CHTF18: variants seen among roughly 807,000 people sequenced by gnomAD.
CHTF18 encodes chromosome transmission fidelity factor 18.
CHTF18 carries 151 observed loss-of-function variants against 113.4 expected under a neutral mutation model. That is an observed-to-expected ratio of 1.33 (90% confidence interval 1.17 to 1.52). The LOEUF (loss-of-function observed/expected upper bound fraction) is 1.52. Among genes scored for constraint, CHTF18 ranks in the 40% most tolerant of loss-of-function variants. The pLI, the probability that CHTF18 is intolerant of heterozygous loss-of-function variation, is 0.00. For synonymous variants in CHTF18, 916 were observed against 598.8 expected (o/e 1.53, Z -7.74); for missense variants, 1,982 against 1,381.6 (o/e 1.43, Z -6.89).
intron 15 of CHTF18, 102 bp downstream of exon 15, chr16:794,303 T>A: frequency 7.3e-7 from 1 of 1,378,388 alleles, no homozygotes; most frequent in Non-Finnish European, 9.9e-7. Context: ...GGAGGCGCTT[T>A]GGGGGTGCTG....
At chr16:789,505 C>G (rs533409649) in intron 3 of CHTF18, 42 bp from the exon 4 acceptor site, 6 of 1,562,354 alleles carry the variant, frequency 3.8e-6, no homozygotes, top group African/African-American at 1.4e-5. Flanking sequence ...AAGGGTGACC[C>G]CACGCTTGAG....
intron 4 of CHTF18, 87 bp from the exon 5 acceptor site, chr16:790,090 A>C (rs543742591): frequency 6.5e-7 from 1 of 1,538,664 alleles, no homozygotes; most frequent in African/African-American, 1.4e-5. Context: ...GGGTTGTCCC[A>C]CCCGGGTCCC....
At position 797,700 on chromosome 16, in the gene CHTF18, A is replaced by G. The variant is rs1264419848; in HGVS notation, c.2740A>G (p.Lys914Glu). ...RRAAREEQPE[K>E]DFFGRVVVRS... ...TAGTCCTTCCTCCCATCAGCCTGAG[A>G]AGGACTTCTTTGGACGTGTGGTCGT... The change falls in exon 21 of 22, where the codon AAG becomes GAG. Residue 914 changes from lysine to glutamate, a missense_variant. By Grantham distance (56) the Lys-to-Glu change is moderately conservative. Transcript: ENST00000262315. 1 of 1,610,222 alleles carries G rather than the reference A, an allele frequency of 6.2e-7. No homozygotes were observed. The highest frequency in any genetic ancestry group is 8.5e-7 in the Non-Finnish European group (1 of 1,179,218).
At position 790,247 on chromosome 16, in the gene CHTF18, T is replaced by C. The variant is rs1313126494; in HGVS notation, c.677T>C (p.Leu226Pro). 2 of 1,606,880 alleles carry C rather than the reference T, an allele frequency of 1.2e-6. No homozygotes were observed. Among genetic ancestry groups the C allele is most frequent in the Non-Finnish European group, 1.7e-6 (2 of 1,177,690 alleles). ...CTGCTGGGTGTGTCCTTAGCCTCCC[T>C]GAAGAAGCAGGTCGACGGCGAGGTA... is the stretch of plus-strand genomic sequence containing the variant. Reference protein sequence around the residue: ...LDLLGVSLASLKKQVDGERRE... With the variant: ...LDLLGVSLASPKKQVDGERRE... The change falls in exon 5 of 22, where the codon CTG becomes CCG. Residue 226 changes from leucine to proline, a missense_variant. Transcript: ENST00000262315.
At chr16:795,416 C>G in intron 16 of CHTF18, 60 bp downstream of exon 16, 1 of 1,330,240 alleles carries the variant, frequency 7.5e-7, no homozygotes, top group Admixed American at 2.1e-5. Context: ...CTGTGCTGCC[C>G]GTGTGGCTGC....
At chr16:790,884 C>G (rs1249868866) in intron 7 of CHTF18, 2 of 1,432,154 alleles carry the variant, frequency 1.4e-6, no homozygotes, top group African/African-American at 1.4e-5. Context: ...AGGGTGTCAC[C>G]TGATCCAAGT....
At chr16:793,851 T>C (rs2042266659) in intron 14 of CHTF18, 2 of 645,360 alleles carry the variant, frequency 3.1e-6, no homozygotes. Flanking sequence ...AGAGTGGGGC[T>C]CCTCGGCTTA....
rs2042239348 is a variant in CHTF18 at position 792,915 on chromosome 16, C to T, written c.1573-51C>T. ...CCTCCCCATGGAACCCTGGTAACCC[C>T]TGAAAGGATGGGGCATACCATCGGG... On this transcript the variant is annotated intron_variant, in intron 12 of 21. Coordinates refer to ENST00000262315, the MANE Select transcript of CHTF18 (RefSeq NM_022092.3). 7 of 1,540,994 alleles carry T rather than the reference C, an allele frequency of 4.5e-6. No homozygotes were observed. The East Asian group carries it at 7.4e-5, about 16-fold the overall frequency.
intron 15 of CHTF18, 76 bp from the exon 16 acceptor site, chr16:795,056 G>A: frequency 1.7e-6 from 2 of 1,193,650 alleles, no homozygotes; most frequent in Non-Finnish European, 2.3e-6. Flanking sequence ...AGGGTCTGTG[G>A]CGGGAGGTGG....
Position 795,261 on chromosome 16 carries a change from C to T in CHTF18, c.2080C>T (p.Leu694=), listed in dbSNP as rs2042304759. Residue 694 remains leucine (L), a synonymous_variant, in exon 16 of 22, where the codon CTG becomes TTG. Transcript: ENST00000262315. ...GAAHHSQSFQ[L]LRYPPFLPVA... is the part of the protein sequence containing the mutation. Reference sequence around the variant, plus strand: ...TGCTCATCACAGCCAGAGCTTCCAGCTGCTGCGCTACCCACCCTTCCTGCC... The same window carrying T: ...TGCTCATCACAGCCAGAGCTTCCAGTTGCTGCGCTACCCACCCTTCCTGCC... 1.3e-6 allele frequency: 2 copies of T among 1,549,204 alleles called. No homozygotes were observed. The highest frequency in any genetic ancestry group is 1.7e-6 in the Non-Finnish European group (2 of 1,146,850).
At position 795,452 on chromosome 16, in the gene CHTF18, A is replaced by G. The variant is rs1329949098; in HGVS notation, c.2175+96A>G. 4.5e-4 allele frequency: 98 copies of G among 219,606 alleles called. 11 individuals are homozygous for G. The highest frequency in any genetic ancestry group is 8.3e-5 in the Non-Finnish European group (12 of 144,994). 13.6% of individuals were successfully genotyped at this position (219,606 alleles called of 1,614,324 possible). The stretch of plus-strand genomic sequence containing the variant: ...CCCCGGCCCCGTGCCCGCCCCCCCA[A>G]ACACACTGCCCGTGTGGCTGCCCCC... On this transcript the variant is annotated intron_variant, in intron 16 of 21. Coordinates refer to ENST00000262315, the MANE Select transcript of CHTF18 (RefSeq NM_022092.3).
rs185363489 is a variant in CHTF18, at chr16:795,407, T to C, written c.2175+51T>C. The stretch of plus-strand genomic sequence containing the variant: ...GCCCCCGGCCCCGTGCCCGCCCCCC[T>C]GTGCTGCCCGTGTGGCTGCCCCCGG... On this transcript the variant is annotated intron_variant, in intron 16 of 21. Transcript: ENST00000262315. 8,856 of 974,630 alleles carry C rather than the reference T, an allele frequency of 9.1e-3. 361 individuals are homozygous for C. Among genetic ancestry groups the C allele is most frequent in the East Asian group, 0.083 (1,915 of 22,958 alleles). The allele number at this position is 974,630 out of a possible 1,614,324, so 60.4% of individuals were successfully genotyped here. A position where few individuals can be genotyped will look rare whatever the true frequency, so the allele number is the denominator to read the frequency against.
intron 14 of CHTF18, 54 bp downstream of exon 14, chr16:793,328 ACG>A: frequency 3.2e-6 from 5 of 1,585,942 alleles, no homozygotes; most frequent in Non-Finnish European, 4.3e-6. Context: ...GGACCTCAGG[ACG>A]CTAGCCCTGT....
At position 796,054 on chromosome 16, in the gene CHTF18, C is replaced by T. The variant is rs1383662048; in HGVS notation, c.2433C>T (p.Gly811=). 3 of 1,604,602 alleles carry T rather than the reference C, an allele frequency of 1.9e-6. No homozygotes were observed. Among genetic ancestry groups the T allele is most frequent in the Non-Finnish European group, 2.5e-6 (3 of 1,176,526 alleles). ...LTYRQERTPD[G]QYIYRLEPNV... is the part of the protein sequence containing the mutation. ...ACCGCCAGGAGCGCACGCCCGATGG[C>T]CAGTACATCTACAGGCTGGAGCCGT... Residue 811 remains glycine, a synonymous_variant, in exon 18 of 22, where the codon GGC becomes GGT. Transcript: ENST00000262315.
intron 17 of CHTF18, 38 bp downstream of exon 17, chr16:795,872 C>CTGCCCTCCTGT (rs2042329868): frequency 6.2e-7 from 1 of 1,606,434 alleles, no homozygotes; most frequent in Non-Finnish European, 8.5e-7. Context: ...TCCCCGCCTG[C>CTGCCCTCCTGT]TGCCCTCCTG....
chr16:790,834 C>T (rs1010730870), intron 7 of CHTF18, 168 bp downstream of exon 7: 212 of 1,431,770 alleles, frequency 1.5e-4, no homozygotes, highest in Middle Eastern at 2.6e-4. Flanking sequence ...GGGCTGTGTG[C>T]TACTGGTCCC....
chr16:790,032 C>T (rs1469492959), intron 4 of CHTF18, 145 bp from the exon 5 acceptor site: 15 of 1,535,696 alleles, frequency 9.8e-6, no homozygotes, highest in South Asian at 6.0e-5. Flanking sequence ...GGCTTCATTC[C>T]TTTGGCACCC....
rs749523674 is a variant in CHTF18, at chr16:790,374, C to A, written c.727C>A (p.Gln243Lys). 6.2e-7 allele frequency: 1 copy of A among 1,612,042 alleles called. No individual in the cohort carries two copies. Among genetic ancestry groups the A allele is most frequent in the Non-Finnish European group, 8.5e-7 (1 of 1,179,698 alleles). The change falls in exon 6 of 22, where the codon CAG (glutamine) becomes AAG (lysine). Residue 243 changes from glutamine (Q) to lysine (K), a missense_variant. Gln to Lys is a moderately conservative substitution (Grantham distance 53). Coordinates refer to ENST00000262315, the MANE Select transcript of CHTF18 (RefSeq NM_022092.3). ...GCGGGAGCGGCTGCTTCAGGAGGCC[C>A]AGAAGCTTTCAGACACCCTGCACAG... ...ERRERLLQEA[Q>K]KLSDTLHSLR...
intron 20 of CHTF18, 49 bp downstream of exon 20, chr16:797,141 G>C: frequency 6.8e-7 from 1 of 1,471,152 alleles, no homozygotes; most frequent in Non-Finnish European, 8.9e-7. Flanking sequence ...ATACCTTTGG[G>C]GGTGTGGCTA....
Sources: allele counts gnomAD v4.1 joint callset, GRCh38; gene constraint gnomAD v4.1.1; transcripts MANE v1.5; gene names NCBI Gene and HGNC (gene_info 2026-07-23, HGNC 2026-07-21).